TANC2: variants seen among roughly 807,000 people sequenced by gnomAD.
The protein encoded by TANC2 is tetratricopeptide repeat, ankyrin repeat and coiled-coil containing 2.
A neutral mutation model predicts 210.5 loss-of-function variants in TANC2; 26 were observed. That is an observed-to-expected ratio of 0.12 (90% CI 0.09 to 0.17). The LOEUF is 0.17. Ranked by LOEUF, TANC2 falls within the 10% of genes least tolerant of loss-of-function variation. TANC2 has a pLI of 1.00. For missense variants in TANC2, 2,129 were observed against 2,608.9 expected, an observed-to-expected ratio of 0.82 and a Z score of 4.01; for synonymous variants, 931 against 967.1, an observed-to-expected ratio of 0.96 and a Z score of 0.69.
chr17:62,995,635 T>G (rs1192430405), intron 1 of TANC2, among the ~76,000 whole-genome samples: 1 of 152,206 alleles, frequency 6.6e-6, no homozygotes, highest in Non-Finnish European at 1.5e-5. Context: ...AAGCAGTGCT[T>G]GTACTACATA....
intron 9 of TANC2, among the ~76,000 whole-genome samples, chr17:63,272,702 A>C (rs2043749659): frequency 6.6e-6 from 1 of 152,076 alleles, no homozygotes; most frequent in South Asian, 2.1e-4. Flanking sequence ...TAGGTATTTT[A>C]TTCTGAAATA....
chr17:63,159,611 A>G (rs1055622456), intron 5 of TANC2, among the ~76,000 whole-genome samples: 1 of 152,226 alleles, frequency 6.6e-6, no homozygotes, highest in African/African-American at 2.4e-5. Flanking sequence ...ACAAGAGTAA[A>G]AACTAATACA....
chr17:63,381,213 A>C (rs2047597894), intron 15 of TANC2: 1 of 152,194 alleles, frequency 6.6e-6, no homozygotes, highest in African/African-American at 2.4e-5. Flanking sequence ...TATCCCATAC[A>C]TGGAAACGTA....
At chr17:63,317,312 GC>G (rs1383587134) in intron 10 of TANC2, among the ~76,000 whole-genome samples, 1 of 29,452 alleles carries the variant, frequency 3.4e-5, no homozygotes, top group Non-Finnish European at 7.0e-5. Context: ...CCCCCAGCCC[GC>G]CCCCCTCCTT....
At chr17:63,299,534 C>CTTTTT (rs201041332) in intron 9 of TANC2, among the ~76,000 whole-genome samples, 11 of 126,546 alleles carry the variant, frequency 8.7e-5, no homozygotes, top group East Asian at 2.3e-4. Context: ...TGATGTTAAG[C>CTTTTT]TTTTTTTTTT....
At chr17:63,016,955 T>C (rs2034136117) in intron 2 of TANC2, among the ~76,000 whole-genome samples, 1 of 152,216 alleles carries the variant, frequency 6.6e-6, no homozygotes, top group Non-Finnish European at 1.5e-5. Context: ...TAATCTCTTA[T>C]CAGATATGTG....
intron 2 of TANC2, among the ~76,000 whole-genome samples, chr17:63,053,859 G>T (rs994632563): frequency 6.6e-6 from 1 of 152,050 alleles, no homozygotes; most frequent in Non-Finnish European, 1.5e-5. Flanking sequence ...GATTCTCTTT[G>T]CCATATCTTC....
At chr17:63,345,920 A>G (rs554630910) in intron 12 of TANC2, among the ~76,000 whole-genome samples, 1 of 152,226 alleles carries the variant, frequency 6.6e-6, no homozygotes, top group Non-Finnish European at 1.5e-5. Flanking sequence ...ACAGGATTGT[A>G]TTCATACAAG....
intron 6 of TANC2, among the ~76,000 whole-genome samples, chr17:63,195,642 C>T (rs955747227): frequency 4.5e-4 from 69 of 152,136 alleles, no homozygotes; most frequent in African/African-American, 1.6e-3. Context: ...ACTAGGTGCA[C>T]AGTAGGTATT....
chr17:63,395,719 A>T, intron 17 of TANC2, 24 bp from the exon 18 acceptor site: 1 of 1,609,642 alleles, frequency 6.2e-7, no homozygotes, highest in Non-Finnish European at 8.5e-7. Flanking sequence ...GTGTTCACAC[A>T]TATCTCCTGT....
chr17:63,336,020 G>T (rs759445230), intron 11 of TANC2, among the ~76,000 whole-genome samples: 1 of 152,066 alleles, frequency 6.6e-6, no homozygotes, highest in Non-Finnish European at 1.5e-5. Context: ...CAGAACTCTA[G>T]CCTGGGATCT....
At chr17:63,042,013 A>G (rs757435003) in intron 2 of TANC2, among the ~76,000 whole-genome samples, 12 of 152,176 alleles carry the variant, frequency 7.9e-5, no homozygotes, top group Non-Finnish European at 1.8e-4. Flanking sequence ...AATACCCTTG[A>G]GATGTGAGAA....
At chr17:63,133,394 C>T (rs547924463) in intron 4 of TANC2, among the ~76,000 whole-genome samples, 60 of 152,326 alleles carry the variant, frequency 3.9e-4, no homozygotes, top group Middle Eastern at 3.4e-3. Context: ...CGTGAGCCAC[C>T]GCGCCTGGCC....
chr17:63,392,912 A>C (rs2048027673), intron 17 of TANC2, among the ~76,000 whole-genome samples: 1 of 152,190 alleles, frequency 6.6e-6, no homozygotes, highest in Non-Finnish European at 1.5e-5. Context: ...AGCTTCTCCT[A>C]ATGTTAACAG....
At chr17:63,010,473 T>G (rs1459064761) in intron 2 of TANC2, among the ~76,000 whole-genome samples, 1 of 152,042 alleles carries the variant, frequency 6.6e-6, no homozygotes, top group African/African-American at 2.4e-5. Context: ...TTTTTTTTTT[T>G]TTTCCTACAG....
chr17:63,063,531 C>CGTGTGTGTGT (rs59132639), intron 2 of TANC2, among the ~76,000 whole-genome samples: 4 of 108,146 alleles, frequency 3.7e-5, no homozygotes, highest in Non-Finnish European at 7.4e-5. Context: ...GGGACAAAGA[C>CGTGTGTGTGT]GTGTGTGTGT....
chr17:63,064,450 C>T (rs1012105150), intron 2 of TANC2, among the ~76,000 whole-genome samples: 5 of 152,048 alleles, frequency 3.3e-5, no homozygotes, highest in Non-Finnish European at 5.9e-5. Context: ...CAGAGCGAGA[C>T]CCTATCTGAA....
intron 8 of TANC2, among the ~76,000 whole-genome samples, chr17:63,246,142 G>A (rs2042913425): frequency 6.6e-6 from 1 of 151,678 alleles, no homozygotes; most frequent in African/African-American, 2.4e-5. Flanking sequence ...TTTTAGTGTT[G>A]CTTAATAAAA....
At chr17:63,310,245 G>A (rs576394774) in intron 9 of TANC2, among the ~76,000 whole-genome samples, 11 of 152,168 alleles carry the variant, frequency 7.2e-5, no homozygotes, top group South Asian at 2.1e-4. Flanking sequence ...TCAGGAGTTC[G>A]AGACCAGCCT....
Sources: gnomAD v4.1 joint callset for allele counts (sites outside exome capture counted in the v4.1 genomes callset) on GRCh38, gnomAD v4.1.1 for gene constraint, MANE v1.5 for transcripts, NCBI Gene and HGNC (gene_info 2026-07-23, HGNC 2026-07-21) for gene names.